The following DNASE1 variants were observed in gnomAD, a reference collection of about 807,000 sequenced individuals.
The protein encoded by DNASE1 is deoxyribonuclease 1, also known as deoxyribonuclease-1.
A neutral mutation model predicts 33.9 loss-of-function variants in DNASE1; 40 were observed. That is an observed-to-expected ratio of 1.18 (90% CI 0.92 to 1.54). The LOEUF is 1.54. Among genes scored for constraint, DNASE1 ranks in the 40% most tolerant of loss-of-function variants. DNASE1 has a pLI of 0.00. For synonymous variants in DNASE1, 216 were observed against 160.0 expected, an observed-to-expected ratio of 1.35 and a Z score of -2.64; for missense variants, 518 against 372.6, an observed-to-expected ratio of 1.39 and a Z score of -3.21.
intron 3 of DNASE1, 65 bp downstream of exon 3, chr16:3,656,002 T>G: frequency 6.2e-7 from 1 of 1,612,256 alleles, no homozygotes; most frequent in South Asian, 1.1e-5. Flanking sequence ...TCACTTCACT[T>G]GGGCCCCAAG....
intron 1 of DNASE1, among the ~76,000 whole-genome samples, chr16:3,644,754 A>G (rs912245173): frequency 2.0e-5 from 3 of 151,548 alleles, no homozygotes; most frequent in African/African-American, 7.3e-5. Context: ...AAAAGAAATA[A>G]AAAATCCAGT....
intron 1 of DNASE1, among the ~76,000 whole-genome samples, chr16:3,635,656 T>G (rs1038097449): frequency 1.3e-5 from 2 of 151,900 alleles, no homozygotes; most frequent in African/African-American, 4.8e-5. Flanking sequence ...TGAGAAAGTC[T>G]CTTCTCTTTT....
At chr16:3,615,610 A>C (rs2041073801) in intron 1 of DNASE1, among the ~76,000 whole-genome samples, 1 of 152,250 alleles carries the variant, frequency 6.6e-6, no homozygotes, top group Non-Finnish European at 1.5e-5. Flanking sequence ...AGGTGCAGAC[A>C]GTCCTTGTGT....
At chr16:3,614,848 A>C (rs2041043810) in intron 1 of DNASE1, among the ~76,000 whole-genome samples, 1 of 152,220 alleles carries the variant, frequency 6.6e-6, no homozygotes, top group Admixed American at 6.5e-5. Context: ...TTGTAATGGT[A>C]GAAATTACTG....
At chr16:3,658,147 C>G (rs544569853), downstream of DNASE1, 28 of 1,614,112 alleles carry the variant, frequency 1.7e-5, no homozygotes, top group Middle Eastern at 1.7e-4. Flanking sequence ...GCTCCAGGGC[C>G]TTGACAAGCA....
chr16:3,658,966 G>A, downstream of DNASE1: 8 of 1,198,204 alleles, frequency 6.7e-6, no homozygotes, highest in East Asian at 2.5e-5. Context: ...AGCACAGTAA[G>A]ACTGTCTGTA....
rs756362315 is a variant in DNASE1 at position 3,656,205 on chromosome 16, A to G, written c.320+20A>G. On this transcript the variant is annotated intron_variant, in intron 4 of 8. Coordinates refer to ENST00000246949, the MANE Select transcript of DNASE1 (RefSeq NM_005223.4). ...GTACAGGTGGGTGGTCTAGAAAGCCAGGAAGCCCCTCCCTCACCTGGGAGG... is the reference window on the plus strand; with the variant it reads ...GTACAGGTGGGTGGTCTAGAAAGCCGGGAAGCCCCTCCCTCACCTGGGAGG... 31 of 1,612,968 alleles carry G rather than the reference A, an allele frequency of 1.9e-5. No homozygotes were observed. The South Asian group carries it at 3.4e-4, about 18-fold the overall frequency.
At chr16:3,624,948 C>G (rs1000783479) in intron 1 of DNASE1, among the ~76,000 whole-genome samples, 1 of 152,200 alleles carries the variant, frequency 6.6e-6, no homozygotes, top group African/African-American at 2.4e-5. Flanking sequence ...TTGCTTGCCC[C>G]AGCCTCTCAC....
chr16:3,664,715 G>A (rs551290731), exon 10 of DNASE1: 269 of 454,042 alleles, frequency 5.9e-4, no homozygotes, highest in Admixed American at 1.3e-3. Flanking sequence ...GGAGCTACGC[G>A]CACCACGCCC....
chr16:3,651,017 G>C (rs2090121983), upstream of DNASE1: 2 of 152,238 alleles, frequency 1.3e-5, no homozygotes, highest in African/African-American at 4.8e-5. Flanking sequence ...TGCTCTGTGA[G>C]TTCATGGGGG....
downstream of DNASE1, chr16:3,660,178 T>C (rs2042989203): frequency 6.6e-6 from 1 of 152,172 alleles, no homozygotes; most frequent in Admixed American, 6.5e-5. Context: ...AAGTTCCCCC[T>C]TGGAAGCCCA....
chr16:3,620,660 A>G (rs1427997982), intron 1 of DNASE1, among the ~76,000 whole-genome samples: 7 of 152,106 alleles, frequency 4.6e-5, no homozygotes, highest in African/African-American at 1.7e-4. Flanking sequence ...TTTTATCATT[A>G]TAGATTATGC....
intron 1 of DNASE1, among the ~76,000 whole-genome samples, chr16:3,647,286 T>A (rs2042203505): frequency 6.6e-6 from 1 of 151,700 alleles, no homozygotes; most frequent in Admixed American, 6.6e-5. Flanking sequence ...TTTTTTTCTT[T>A]TTGAGACAAG....
downstream of DNASE1, chr16:3,661,799 T>G: frequency 3.2e-6 from 2 of 616,712 alleles, no homozygotes; most frequent in Non-Finnish European, 4.9e-6. Flanking sequence ...CACCTGGGGA[T>G]GGTAAGGGGC....
chr16:3,618,996 G>A (rs954729723), intron 1 of DNASE1, among the ~76,000 whole-genome samples: 1 of 151,728 alleles, frequency 6.6e-6, no homozygotes, highest in African/African-American at 2.4e-5. Flanking sequence ...TTATCTTCCT[G>A]ACTCAGCCTA....
At chr16:3,657,848 G>A (rs758457113) in intron 8 of DNASE1, 32 bp downstream of exon 8, 13 of 1,613,888 alleles carry the variant, frequency 8.1e-6, no homozygotes, top group Non-Finnish European at 1.1e-5. Flanking sequence ...GCCACATGAG[G>A]ATGGGACACA....
chr16:3,655,638 T>C, intron 2 of DNASE1, 118 bp downstream of exon 2: 1 of 1,512,326 alleles, frequency 6.6e-7, no homozygotes, highest in Non-Finnish European at 9.1e-7. Context: ...GCACCACTGC[T>C]CCCAGCACGG....
chr16:3,627,151 G>A (rs749043669), intron 1 of DNASE1, among the ~76,000 whole-genome samples: 3 of 151,756 alleles, frequency 2.0e-5, no homozygotes, highest in African/African-American at 4.8e-5. Flanking sequence ...GACTACAGGC[G>A]TGAGCCACTG....
intron 1 of DNASE1, among the ~76,000 whole-genome samples, chr16:3,626,930 G>A (rs191219114): frequency 4.0e-4 from 61 of 152,200 alleles, no homozygotes; most frequent in Admixed American, 1.7e-3. Flanking sequence ...GGAGCACGGT[G>A]ATGTGATCAA....
Sources: gnomAD v4.1 joint callset for allele counts (sites outside exome capture counted in the v4.1 genomes callset) on GRCh38, gnomAD v4.1.1 for gene constraint, MANE v1.5 for transcripts, NCBI Gene and HGNC (gene_info 2026-07-23, HGNC 2026-07-21) for gene names.